The following STXBP6 variants were observed in gnomAD, a reference collection of about 807,000 sequenced individuals.
STXBP6 encodes the protein syntaxin-binding protein 6.
A neutral mutation model predicts 26.9 loss-of-function variants in STXBP6; 21 were observed. The observed-to-expected ratio is 0.78, with a 90% CI of 0.55 to 1.12. The LOEUF (loss-of-function observed/expected upper bound fraction) is 1.12. Ranked by LOEUF, STXBP6 falls within the 50% of genes most tolerant of loss-of-function variation. STXBP6 has a pLI of 0.00. For synonymous variants in STXBP6, 97 were observed against 92.6 expected, an observed-to-expected ratio of 1.05 and a Z score of -0.27; for missense variants, 232 against 257.9, an observed-to-expected ratio of 0.90 and a Z score of 0.69.
At chr14:24,929,008 G>A (rs1333233287) in intron 2 of STXBP6, among the ~76,000 whole-genome samples, 1 of 151,924 alleles carries the variant, frequency 6.6e-6, no homozygotes, top group Non-Finnish European at 1.5e-5. Context: ...AAGATATCAG[G>A]TAGAAAGTTC....
chr14:24,984,467 T>TA (rs1326426850), intron 1 of STXBP6, among the ~76,000 whole-genome samples: 1 of 152,190 alleles, frequency 6.6e-6, no homozygotes, highest in Non-Finnish European at 1.5e-5. Flanking sequence ...CTACTCTGTT[T>TA]AAAAGGCAAG....
intron 2 of STXBP6, among the ~76,000 whole-genome samples, chr14:24,882,117 C>T (rs368548801): frequency 4.0e-5 from 6 of 151,858 alleles, no homozygotes; most frequent in East Asian, 3.9e-4. Context: ...CGGTGGCTCA[C>T]GCCTGTAATC....
chr14:25,015,801 A>G (rs2075135583), intron 1 of STXBP6, among the ~76,000 whole-genome samples: 1 of 91,580 alleles, frequency 1.1e-5, no homozygotes, highest in Admixed American at 9.6e-5. Context: ...AACAACAAGG[A>G]AAAAAAAAAA....
intron 4 of STXBP6, among the ~76,000 whole-genome samples, chr14:24,827,015 G>T (rs188259354): frequency 3.3e-5 from 5 of 152,220 alleles, no homozygotes; most frequent in Admixed American, 2.6e-4. Flanking sequence ...GGCCTGGGCA[G>T]CATGGAGAAA....
intron 2 of STXBP6, among the ~76,000 whole-genome samples, chr14:24,890,858 T>C (rs949816190): frequency 6.6e-6 from 1 of 152,224 alleles, no homozygotes; most frequent in Non-Finnish European, 1.5e-5. Context: ...CTGATTGCTC[T>C]ATCCTTTATT....
intron 1 of STXBP6, among the ~76,000 whole-genome samples, chr14:24,983,241 A>C (rs545665485): frequency 6.6e-6 from 1 of 152,364 alleles, no homozygotes; most frequent in Non-Finnish European, 1.5e-5. Context: ...AAAATTAAAA[A>C]GAGCTCAACT....
At chr14:25,001,636 T>G (rs1002006273) in intron 1 of STXBP6, among the ~76,000 whole-genome samples, 1 of 152,222 alleles carries the variant, frequency 6.6e-6, no homozygotes, top group Admixed American at 6.5e-5. Context: ...ATGTTGTCTA[T>G]TTTTTTCCAT....
chr14:25,034,241 A>C (rs1245692777), intron 1 of STXBP6, among the ~76,000 whole-genome samples: 1 of 152,020 alleles, frequency 6.6e-6, no homozygotes, highest in Non-Finnish European at 1.5e-5. Flanking sequence ...GGTAAACTTG[A>C]CCCCTAACAC....
At chr14:24,938,682 A>G (rs2072690409) in intron 2 of STXBP6, among the ~76,000 whole-genome samples, 1 of 152,038 alleles carries the variant, frequency 6.6e-6, no homozygotes, top group Non-Finnish European at 1.5e-5. Flanking sequence ...ACATTTTAAA[A>G]TATTATTTAT....
Position 24,869,733 on chromosome 14 carries a change from C to A in STXBP6, c.155-12576G>T, listed in dbSNP as rs115597386. On this transcript the variant is annotated intron_variant, in intron 2 of 5. Transcript: ENST00000323944. The stretch of plus-strand genomic sequence containing the variant: ...CACACACTTCCATCCACCTGTCCCA[C>A]GGTATCTTCCCCTCCCTCAGACTTA... 3.8e-3 allele frequency among the ~76,000 whole-genome samples: 584 copies of A among 152,300 alleles called. 2 individuals carry two copies. Among genetic ancestry groups the A allele is most frequent in the African/African-American group, 0.013 (551 of 41,572 alleles).
chr14:25,049,748 A>C lies in STXBP6; in HGVS notation c.-33+130T>G, dbSNP rs1398787250. On this transcript the variant is annotated intron_variant, in intron 1 of 5. Transcript: ENST00000323944. This position sits in a 1 kb window ranked among gnomAD's most constrained non-coding sequence, Gnocchi z 5.6. ...GAAGAATCTCTCTGGGAGCCTGCCT[A>C]CTCCCCTGGCCTCACAGCCACCCGC... 5.4e-5 allele frequency: 53 copies of C among 984,074 alleles called. No individual in the cohort carries two copies. The highest frequency in any genetic ancestry group is 3.7e-4 in the Admixed American group (6 of 16,208). The allele number at this position is 984,074 out of a possible 1,614,324, so 61.0% of individuals were successfully genotyped here. A position where few individuals can be genotyped will look rare whatever the true frequency, so the allele number is the denominator to read the frequency against.
At chr14:25,042,042 A>G (rs1595363675) in intron 1 of STXBP6, among the ~76,000 whole-genome samples, 2 of 152,202 alleles carry the variant, frequency 1.3e-5, no homozygotes, top group African/African-American at 4.8e-5. Flanking sequence ...GCTTTGTTTA[A>G]TTCTTAAAAA....
At chr14:24,999,855 A>T (rs1339377934) in intron 1 of STXBP6, among the ~76,000 whole-genome samples, 1 of 152,178 alleles carries the variant, frequency 6.6e-6, no homozygotes, top group Non-Finnish European at 1.5e-5. Context: ...ACAACAAATC[A>T]TAAACACAAC....
chr14:24,868,012 C>G (rs1566427089), intron 2 of STXBP6, among the ~76,000 whole-genome samples: 1 of 152,034 alleles, frequency 6.6e-6, no homozygotes, highest in Non-Finnish European at 1.5e-5. Context: ...GCCTGGGCAA[C>G]ATGGTGAAAC....
chr14:24,892,211 T>C (rs2070814989), intron 2 of STXBP6, among the ~76,000 whole-genome samples: 1 of 152,002 alleles, frequency 6.6e-6, no homozygotes, highest in Non-Finnish European at 1.5e-5. Context: ...ATTTTTTTTT[T>C]TTAAAAAGGA....
In STXBP6 at chr14:24,812,193, A is replaced by G. The variant is rs1282427798; in HGVS notation, c.*516T>C. The stretch of plus-strand genomic sequence containing the variant: ...CCCAATAAATTCAATTGTTTTCCAC[A>G]ATGTAGAATTTTAATCTTCAAATTA... On this transcript the variant is annotated 3_prime_UTR_variant, in exon 6 of 6. Transcript: ENST00000323944. 6.6e-6 allele frequency: 1 copy of G among 152,156 alleles called. No individual in the cohort carries two copies. Among genetic ancestry groups the G allele is most frequent in the Non-Finnish European group, 1.5e-5 (1 of 68,114 alleles). The allele number at this position is 152,156 out of a possible 1,614,324, so 9.4% of individuals were successfully genotyped here.
intron 1 of STXBP6, among the ~76,000 whole-genome samples, chr14:25,026,025 T>C (rs576368868): frequency 6.6e-6 from 1 of 152,342 alleles, no homozygotes; most frequent in East Asian, 1.9e-4. Flanking sequence ...TGCCTTTACA[T>C]TGACTTTACA....
intron 2 of STXBP6, chr14:24,878,536 CAT>C (rs1163918134): frequency 6.5e-6 from 1 of 154,752 alleles, no homozygotes; most frequent in Non-Finnish European, 1.4e-5. Flanking sequence ...ACAAATTTCA[CAT>C]GTGACCTTCA....
intron 2 of STXBP6, among the ~76,000 whole-genome samples, chr14:24,922,732 T>G (rs1317049331): frequency 6.6e-6 from 1 of 152,064 alleles, no homozygotes; most frequent in Admixed American, 6.6e-5. Context: ...TATGCAGACA[T>G]AGATGAGGGA....
Sources: allele counts gnomAD v4.1 joint callset (sites outside exome capture counted in the v4.1 genomes callset), GRCh38; gene constraint gnomAD v4.1.1; non-coding constraint Gnocchi (gnomAD v3.1); transcripts MANE v1.5; gene names NCBI Gene and HGNC (gene_info 2026-07-23, HGNC 2026-07-21).